ZNF563: variants seen among roughly 807,000 people sequenced by gnomAD.
The protein encoded by ZNF563 is zinc finger protein 563.
Under a neutral mutation model 48.5 loss-of-function variants are expected in ZNF563, and 39 were observed. That is an observed-to-expected ratio of 0.80 (90% confidence interval 0.62 to 1.05). The LOEUF (loss-of-function observed/expected upper bound fraction) is 1.05, where lower values mean the gene tolerates loss of function less well. ZNF563 is among the 50% of genes least tolerant of loss of function. ZNF563 has a pLI of 0.00. For synonymous variants in ZNF563, 168 were observed against 187.9 expected, an observed-to-expected ratio of 0.89 and a Z score of 0.87; for missense variants, 538 against 597.0, an observed-to-expected ratio of 0.90 and a Z score of 1.03.
intron 1 of ZNF563, among the ~76,000 whole-genome samples, chr19:12,325,597 C>T (rs531075747): frequency 6.3e-4 from 96 of 152,142 alleles, no homozygotes; most frequent in African/African-American, 2.2e-3. Context: ...GAGAGAGCCA[C>T]ATGCACTCAT....
In ZNF563 at chr19:12,319,288, A is replaced by G. The variant is rs1186826482; in HGVS notation, c.737T>C (p.Met246Thr). Residue 246 changes from methionine to threonine, a missense_variant, in exon 4 of 4, where the codon ATG becomes ACG. Physicochemically the swap from Met to Thr is moderately conservative, Grantham distance 81 (BLOSUM62 -1). Transcript: ENST00000293725. ...FYSSYRRHER[M>T]HTGEKPYECK... ...TTCATACGGTTTCTCCCCAGTGTGC[A>G]TTCTCTCATGTCTTCGATAGGAACT... 4.3e-6 allele frequency: 7 copies of G among 1,613,678 alleles called. No homozygotes were observed. The highest frequency in any genetic ancestry group is 5.1e-6 in the Non-Finnish European group (6 of 1,179,914).
the ZNF563 span, among the ~76,000 whole-genome samples, chr19:12,343,418 G>C: frequency 3.9e-5 from 6 of 152,092 alleles, no homozygotes; most frequent in Non-Finnish European, 8.8e-5. Context: ...CCATAATCAG[G>C]CCTGTGAATA....
At chr19:12,326,472 C>T (rs971610419) in intron 1 of ZNF563, among the ~76,000 whole-genome samples, 6 of 151,970 alleles carry the variant, frequency 3.9e-5, no homozygotes, top group Non-Finnish European at 8.8e-5. Flanking sequence ...GGTGAAATCT[C>T]GTCTCTAATA....
upstream of ZNF563, among the ~76,000 whole-genome samples, chr19:12,334,595 G>A (rs141345424): frequency 0.01 from 1,528 of 152,280 alleles, 15 homozygotes; most frequent in Non-Finnish European, 0.016. Context: ...AGGGCCCGGG[G>A]CGGTGGCTCA....
intron 1 of ZNF563, among the ~76,000 whole-genome samples, chr19:12,324,194 CA>C (rs1056056891): frequency 6.6e-6 from 1 of 151,484 alleles, no homozygotes; most frequent in Non-Finnish European, 1.5e-5. Flanking sequence ...CCTGTCTCTG[CA>C]AAAAAATACA....
intron 1 of ZNF563, among the ~76,000 whole-genome samples, chr19:12,331,421 G>T (rs918751957): frequency 2.0e-5 from 3 of 151,878 alleles, no homozygotes; most frequent in African/African-American, 4.8e-5. Context: ...CCACCTCACT[G>T]GGGTAAGTTA....
intron 1 of ZNF563, among the ~76,000 whole-genome samples, chr19:12,329,984 C>T (rs1309478289): frequency 6.6e-6 from 1 of 151,540 alleles, no homozygotes; most frequent in African/African-American, 2.4e-5. Flanking sequence ...GCAATGGCAC[C>T]ATCTTGGCTC....
At chr19:12,320,223 A>G (rs756465057) in intron 3 of ZNF563, among the ~76,000 whole-genome samples, 17 of 151,818 alleles carry the variant, frequency 1.1e-4, no homozygotes, top group East Asian at 1.9e-4. Context: ...GGCCAGATAT[A>G]CCTTTTTATC....
At chr19:12,330,951 A>G (rs1968903759) in intron 1 of ZNF563, among the ~76,000 whole-genome samples, 1 of 152,188 alleles carries the variant, frequency 6.6e-6, no homozygotes, top group Non-Finnish European at 1.5e-5. Context: ...TAAGCCCTGA[A>G]ATTCTATTGA....
intron 1 of ZNF563, among the ~76,000 whole-genome samples, chr19:12,324,521 C>T (rs200271472): frequency 1.3e-5 from 2 of 152,022 alleles, no homozygotes; most frequent in South Asian, 2.1e-4. Context: ...AGTTCAAGAC[C>T]AGCCTGACCA....
chr19:12,341,334 G>A, the ZNF563 span, among the ~76,000 whole-genome samples: 1 of 152,354 alleles, frequency 6.6e-6, no homozygotes, highest in South Asian at 2.1e-4. Flanking sequence ...TTACAGGCAT[G>A]AGCCACTGTG....
rs1308815598 is a variant in ZNF563, at chr19:12,318,680, T to G, written c.1345A>C (p.Asn449His). The G allele has an allele frequency of 6.2e-7, 1 of 1,614,108 alleles. No homozygotes were observed. Among genetic ancestry groups the G allele is most frequent in the Non-Finnish European group, 8.5e-7 (1 of 1,180,024 alleles). Reference sequence around the variant, plus strand: ...GCTTTCCCACATACCTTGCATTTATTCGGCCCATCTCCCGTATGCATTACC... The same window carrying G: ...GCTTTCCCACATACCTTGCATTTATGCGGCCCATCTCCCGTATGCATTACC... ...HMVMHTGDGP[N>H]KCKVCGKAFV... is the part of the protein sequence containing the mutation. The change falls in exon 4 of 4, where the codon AAT (asparagine) becomes CAT (histidine). Residue 449 changes from asparagine to histidine, a missense_variant. By Grantham distance (68) the Asn-to-His change is moderately conservative. Coordinates refer to ENST00000293725, the MANE Select transcript of ZNF563 (RefSeq NM_145276.3).
chr19:12,340,450 A>G, the ZNF563 span, among the ~76,000 whole-genome samples: 1 of 152,156 alleles, frequency 6.6e-6, no homozygotes, highest in African/African-American at 2.4e-5. Flanking sequence ...AGCCTGGGCA[A>G]TATAGTGAGA....
intron 1 of ZNF563, among the ~76,000 whole-genome samples, chr19:12,331,271 C>A (rs8112994): frequency 0.027 from 4,144 of 152,180 alleles, 182 homozygotes; most frequent in African/African-American, 0.094. Flanking sequence ...GGAACACAGA[C>A]AAGTCTCATT....
the ZNF563 span, chr19:12,347,064 G>A: frequency 1.3e-5 from 2 of 152,280 alleles, no homozygotes; most frequent in Admixed American, 6.5e-5. Flanking sequence ...GAGGCTTCCA[G>A]ATGAGCAGTT....
At chr19:12,325,362 C>T (rs887629919) in intron 1 of ZNF563, among the ~76,000 whole-genome samples, 4 of 151,434 alleles carry the variant, frequency 2.6e-5, no homozygotes, top group East Asian at 1.9e-4. Context: ...TGCCTGTAAC[C>T]GAGTAGCTGC....
At chr19:12,325,988 G>A (rs1968783309) in intron 1 of ZNF563, among the ~76,000 whole-genome samples, 2 of 152,248 alleles carry the variant, frequency 1.3e-5, no homozygotes, top group South Asian at 2.1e-4. Context: ...AAACAATGAA[G>A]GGGACAGAAT....
chr19:12,341,508 G>C, the ZNF563 span, among the ~76,000 whole-genome samples: 1 of 152,154 alleles, frequency 6.6e-6, no homozygotes, highest in Non-Finnish European at 1.5e-5. Flanking sequence ...AGGTTGAAAG[G>C]GAGGGCATGA....
At chr19:12,319,943 G>A in intron 3 of ZNF563, 110 bp from the exon 4 acceptor site, 1 of 993,880 alleles carries the variant, frequency 1.0e-6, no homozygotes, top group East Asian at 2.6e-5. Flanking sequence ...CTGAGATGGA[G>A]TCTTGCTCTG....
Sources: allele counts gnomAD v4.1 joint callset (sites outside exome capture counted in the v4.1 genomes callset), GRCh38; gene constraint gnomAD v4.1.1; transcripts MANE v1.5; gene names NCBI Gene and HGNC (gene_info 2026-07-23, HGNC 2026-07-21).